The following MYLK3 variants were observed in gnomAD, a reference collection of about 807,000 sequenced individuals.
MYLK3 encodes the protein MLC kinase.
In MYLK3, 55 loss-of-function variants were observed where a neutral mutation model predicts 76.3. That is an observed-to-expected ratio of 0.72 (90% CI 0.58 to 0.90). MYLK3 has a LOEUF of 0.90. Among genes scored for constraint, MYLK3 ranks in the 40% least tolerant of loss-of-function variants. The pLI is 0.00. For missense variants in MYLK3, 973 were observed against 1,053.6 expected, an observed-to-expected ratio of 0.92 and a Z score of 1.06; for synonymous variants, 416 against 425.4, an observed-to-expected ratio of 0.98 and a Z score of 0.27.
chr16:46,756,058 T>A (rs2143018290), intron 1 of MYLK3, among the ~76,000 whole-genome samples: 1 of 151,972 alleles, frequency 6.6e-6, no homozygotes, highest in South Asian at 2.1e-4. Flanking sequence ...TACAGGTACA[T>A]GCCACCACAC....
At chr16:46,749,860 C>G (rs1967098215), upstream of MYLK3, among the ~76,000 whole-genome samples, 1 of 152,236 alleles carries the variant, frequency 6.6e-6, no homozygotes, top group South Asian at 2.1e-4. Context: ...ACCCTTCTAT[C>G]CCGATAGTTG....
rs948934640 is a variant in MYLK3, at chr16:46,722,900, C to T, written c.1915-1707G>A. ...AATTTGTTTGTATTTTTAGTTGAGACGGGGTTTCACCATGTTGGCCAGGCT... is the reference window on the plus strand; with the variant it reads ...AATTTGTTTGTATTTTTAGTTGAGATGGGGTTTCACCATGTTGGCCAGGCT... On this transcript the variant is annotated intron_variant, in intron 8 of 12. Transcript: ENST00000394809. 3.9e-5 allele frequency among the ~76,000 whole-genome samples: 6 copies of T among 152,128 alleles called. No homozygotes were observed. The South Asian group carries it at 6.2e-4, about 16-fold the overall frequency.
Position 46,748,328 on chromosome 16 carries a change from G to A in MYLK3, c.-135C>T, listed in dbSNP as rs1967067250. On this transcript the variant is annotated 5_prime_UTR_variant, in exon 1 of 13. Transcript: ENST00000394809. This position sits in a 1 kb window ranked among gnomAD's most constrained non-coding sequence, Gnocchi z 4.3. ...GACTCCTGGCAGCACCAACCTCCAC[G>A]ATGGCCTGGGCTGTGTGAGGAGCGC... is the stretch of plus-strand genomic sequence containing the variant. 5.6e-6 allele frequency: 8 copies of A among 1,427,752 alleles called. No homozygotes were observed. Among genetic ancestry groups the A allele is most frequent in the Admixed American group, 2.8e-5 (1 of 35,924 alleles). 88.4% of individuals were successfully genotyped at this position (1,427,752 alleles called of 1,614,324 possible).
At chr16:46,730,740 A>G in intron 4 of MYLK3, 42 bp from the exon 5 acceptor site, 2 of 1,571,758 alleles carry the variant, frequency 1.3e-6, no homozygotes, top group South Asian at 2.2e-5. Context: ...TCCTCTGTGC[A>G]GCCCACACCT....
intron 11 of MYLK3, 47 bp from the exon 12 acceptor site, chr16:46,709,718 T>G: frequency 6.3e-7 from 1 of 1,595,394 alleles, no homozygotes; most frequent in Non-Finnish European, 8.5e-7. Flanking sequence ...AGTTGCCTTT[T>G]CTCATCCAAA....
At chr16:46,763,097 C>T in exon 1 of MYLK3, 1 of 984,980 alleles carries the variant, frequency 1.0e-6, no homozygotes, top group Non-Finnish European at 1.2e-6. Flanking sequence ...CATAAGTCTC[C>T]AGTGAGATGT....
At chr16:46,731,667 G>A (rs561031078) in intron 4 of MYLK3, among the ~76,000 whole-genome samples, 6 of 152,284 alleles carry the variant, frequency 3.9e-5, no homozygotes, top group South Asian at 2.1e-4. Context: ...TCACTAGCCC[G>A]GGTGGGTGGG....
chr16:46,702,616 T>C lies in MYLK3; in HGVS notation c.*5088A>G, dbSNP rs1966585911. On this transcript the variant is annotated 3_prime_UTR_variant, in exon 13 of 13. Transcript: ENST00000394809. ...ACACTTGACATTGAGTTGTGAATTT[T>C]TAATTATAAATGTAATACATGCGGG... Among the ~76,000 whole-genome samples the C allele has an allele frequency of 6.6e-6, 1 of 152,206 alleles. No individual in the cohort carries two copies. The highest frequency in any genetic ancestry group is 2.4e-5 in the African/African-American group (1 of 41,448).
intron 1 of MYLK3, among the ~76,000 whole-genome samples, chr16:46,758,290 ACACACACACACACACTCTCTCT>A (rs1490546535): frequency 8.8e-5 from 5 of 57,040 alleles, no homozygotes; most frequent in Non-Finnish European, 1.5e-4. Context: ...ACACACACAC[ACACACACACACACACTCTCTCT>A]CTCTCTCTCT....
chr16:46,740,623 C>A (rs1451119445), intron 1 of MYLK3, among the ~76,000 whole-genome samples: 2 of 148,136 alleles, frequency 1.4e-5, no homozygotes. Context: ...ACAATCTCGG[C>A]TCACTGCAAC....
intron 9 of MYLK3, among the ~76,000 whole-genome samples, chr16:46,718,062 C>A (rs544298051): frequency 2.6e-5 from 4 of 152,308 alleles, no homozygotes; most frequent in Non-Finnish European, 5.9e-5. Flanking sequence ...TTAGCTATTG[C>A]AATGGTTTGT....
chr16:46,710,000 G>C (rs1966666924), intron 11 of MYLK3, among the ~76,000 whole-genome samples: 1 of 152,226 alleles, frequency 6.6e-6, no homozygotes, highest in Non-Finnish European at 1.5e-5. Context: ...AGAAGCAAAA[G>C]AACAGGAAAT....
chr16:46,750,534 A>C (rs557659142), upstream of MYLK3, among the ~76,000 whole-genome samples: 1 of 152,212 alleles, frequency 6.6e-6, no homozygotes, highest in Non-Finnish European at 1.5e-5. Flanking sequence ...TCTCTACTGA[A>C]AATACAAAAA....
At chr16:46,761,302 G>C (rs1282169572) in intron 1 of MYLK3, among the ~76,000 whole-genome samples, 1 of 152,142 alleles carries the variant, frequency 6.6e-6, no homozygotes, top group Non-Finnish European at 1.5e-5. Flanking sequence ...AAATTAGGCC[G>C]AGACATACAG....
chr16:46,716,495 A>ATGTG (rs769413447), intron 9 of MYLK3, among the ~76,000 whole-genome samples: 5 of 145,086 alleles, frequency 3.4e-5, no homozygotes, highest in South Asian at 2.2e-4. Context: ...ATGTGTATAT[A>ATGTG]TATGTGTGTG....
At chr16:46,709,750 A>G in intron 11 of MYLK3, 79 bp from the exon 12 acceptor site, 1 of 1,513,066 alleles carries the variant, frequency 6.6e-7, no homozygotes, top group African/African-American at 1.4e-5. Flanking sequence ...TTGAGTAGGA[A>G]GCCTGAGTCA....
rs751020091 is a variant in MYLK3, at chr16:46,712,758, C to A, written c.2004G>T (p.Lys668Asn). 2.5e-6 allele frequency: 4 copies of A among 1,599,680 alleles called. No homozygotes were observed. Among genetic ancestry groups the A allele is most frequent in the African/African-American group, 2.7e-5 (2 of 74,100 alleles). ...CAGGAGTGCCGAAGTTCACCTTCAG[C>A]TTCTCTCGAGGCTTGTACCTGGGGA... ...GLARRYKPRE[K>N]LKVNFGTPEF... is the part of the protein sequence containing the mutation. Residue 668 changes from lysine to asparagine, a missense_variant, in exon 10 of 13, where the codon AAG (lysine) becomes AAT (asparagine). Coordinates refer to ENST00000394809, the MANE Select transcript of MYLK3 (RefSeq NM_182493.3).
chr16:46,730,683 G>A lies in MYLK3; in HGVS notation c.1478C>T (p.Pro493Leu). The A allele has an allele frequency of 2.5e-6, 4 of 1,614,002 alleles. No homozygotes were observed. Among genetic ancestry groups the A allele is most frequent in the East Asian group, 2.2e-5 (1 of 44,876 alleles). Residue 493 changes from proline (P) to leucine (L), a missense_variant, in exon 5 of 13, where the codon CCA (proline) becomes CTA (leucine). Coordinates refer to ENST00000394809, the MANE Select transcript of MYLK3 (RefSeq NM_182493.3). ...GSVVLDDSPA[P>L]PAPFEHRVVS... Reference sequence around the variant, plus strand: ...TACCCGGTGTTCAAAAGGAGCTGGTGGGGCCGGACTGTCATCTGCTCAGGA... The same window carrying A: ...TACCCGGTGTTCAAAAGGAGCTGGTAGGGCCGGACTGTCATCTGCTCAGGA...
chr16:46,718,930 CTG>C lies in MYLK3; in HGVS notation c.1985+2191_1985+2192del, dbSNP rs1426060869. On this transcript the variant is annotated intron_variant, in intron 9 of 12. Coordinates refer to ENST00000394809, the MANE Select transcript of MYLK3 (RefSeq NM_182493.3). ...GCAGTGAGCCTGACAGAGCAAGACT[CTG>C]TCTGAAAAAAAAAGAGGAAGAAGAA... is the stretch of plus-strand genomic sequence containing the variant. Among the ~76,000 whole-genome samples, 20 of 151,804 alleles carry C rather than the reference CTG, an allele frequency of 1.3e-4. No individual in the cohort carries two copies. In the South Asian group the frequency reaches 3.7e-3, roughly 28 times the overall value.
Sources: gnomAD v4.1 joint callset for allele counts (sites outside exome capture counted in the v4.1 genomes callset) on GRCh38, gnomAD v4.1.1 for gene constraint, Gnocchi (gnomAD v3.1) non-coding constraint, MANE v1.5 for transcripts, NCBI Gene and HGNC (gene_info 2026-07-23, HGNC 2026-07-21) for gene names.